The following LEO1 variants were observed in gnomAD, a reference collection of about 807,000 sequenced individuals.
The protein encoded by LEO1 is LEO1 component of Paf1/RNA polymerase II complex.
LEO1 carries 34 observed loss-of-function variants against 80.4 expected under a neutral mutation model. That is an observed-to-expected ratio of 0.42 (90% CI 0.32 to 0.56). LEO1 has a LOEUF of 0.56. Ranked by LOEUF, LEO1 falls within the 20% of genes least tolerant of loss-of-function variation. The probability of loss-of-function intolerance (pLI) is 0.10; values close to 1 mark genes in which losing one functional copy is unlikely to be tolerated. For missense variants in LEO1, 631 were observed against 814.2 expected (o/e 0.77, Z 2.74); for synonymous variants, 262 against 274.9 (o/e 0.95, Z 0.46).
At chr15:51,940,943 C>G (rs950595172) in intron 11 of LEO1, among the ~76,000 whole-genome samples, 1 of 151,834 alleles carries the variant, frequency 6.6e-6, no homozygotes, top group African/African-American at 2.4e-5. Context: ...ACTAAAAATA[C>G]AAAAATTAGC....
chr15:51,950,984 A>G (rs1472373993), intron 9 of LEO1, among the ~76,000 whole-genome samples: 3 of 152,214 alleles, frequency 2.0e-5, no homozygotes, highest in African/African-American at 7.2e-5. Flanking sequence ...GCTATATACC[A>G]CTAGGTTAGG....
intron 11 of LEO1, 142 bp from the exon 12 acceptor site, chr15:51,938,402 G>A (rs2056819686): frequency 3.3e-6 from 2 of 600,636 alleles, no homozygotes; most frequent in Non-Finnish European, 5.9e-6. Context: ...ATTGTGAGGT[G>A]TCAGCAACTG....
intron 1 of LEO1, among the ~76,000 whole-genome samples, chr15:51,966,884 C>T (rs1280891819): frequency 6.6e-6 from 1 of 151,460 alleles, no homozygotes; most frequent in East Asian, 1.9e-4. Flanking sequence ...GCACTCCAGC[C>T]TGGGCGACAG....
chr15:51,964,562 AAC>A (rs1491052788), intron 2 of LEO1, among the ~76,000 whole-genome samples: 5 of 151,688 alleles, frequency 3.3e-5, no homozygotes, highest in African/African-American at 9.7e-5. Flanking sequence ...AAAAAAAAAA[AAC>A]CTCTACTCTG....
chr15:51,952,677 T>C (rs2056958712), intron 8 of LEO1, among the ~76,000 whole-genome samples: 1 of 152,088 alleles, frequency 6.6e-6, no homozygotes, highest in African/African-American at 2.4e-5. Flanking sequence ...ACCTCTGCAG[T>C]GGTATTAGAT....
chr15:51,952,809 A>G (rs754330195), intron 8 of LEO1, among the ~76,000 whole-genome samples: 5 of 152,230 alleles, frequency 3.3e-5, no homozygotes, highest in Admixed American at 2.6e-4. Flanking sequence ...TACTAAAAAC[A>G]AAGGACACAC....
intron 9 of LEO1, among the ~76,000 whole-genome samples, chr15:51,950,590 A>T (rs1250026521): frequency 2.0e-5 from 3 of 152,184 alleles, no homozygotes; most frequent in Non-Finnish European, 4.4e-5. Context: ...GGTTGGGGGT[A>T]GGGGTGGTGT....
At chr15:51,945,585 G>A (rs1441931296) in intron 11 of LEO1, among the ~76,000 whole-genome samples, 3 of 152,006 alleles carry the variant, frequency 2.0e-5, no homozygotes, top group Non-Finnish European at 4.4e-5. Context: ...TCTCTATATC[G>A]TTTTCCTGCA....
chr15:51,942,260 G>A (rs2056859181), intron 11 of LEO1, among the ~76,000 whole-genome samples: 1 of 152,136 alleles, frequency 6.6e-6, no homozygotes, highest in Non-Finnish European at 1.5e-5. Context: ...GGAAGGAAAG[G>A]GAAGAGTGCA....
In LEO1 at chr15:51,949,975, C is replaced by T; in HGVS notation, c.1631G>A (p.Arg544Lys). The change falls in exon 10 of 12, where the codon AGG becomes AAG. Residue 544 changes from arginine (R) to lysine (K), a missense_variant. Arg to Lys is a conservative substitution (Grantham distance 26, BLOSUM62 2). Coordinates refer to ENST00000299601, the MANE Select transcript of LEO1 (RefSeq NM_138792.4). Reference sequence around the variant, plus strand: ...CTGAGATTCCCTACGTATGGAAGCCCTCAAACGTTCTTCTTCTTTCTGTAA... The same window carrying T: ...CTGAGATTCCCTACGTATGGAAGCCTTCAAACGTTCTTCTTCTTTCTGTAA... ...EMIKKEEERLRASIRRESQQR... is the reference protein window; with the variant it reads ...EMIKKEEERLKASIRRESQQR... 1 of 1,611,936 alleles carries T rather than the reference C, an allele frequency of 6.2e-7. No homozygotes were observed. The highest frequency in any genetic ancestry group is 8.5e-7 in the Non-Finnish European group (1 of 1,179,530).
chr15:51,947,151 G>C (rs1265033643), intron 11 of LEO1, 141 bp downstream of exon 11: 2 of 703,376 alleles, frequency 2.8e-6, no homozygotes, highest in African/African-American at 1.8e-5. Flanking sequence ...ACTCTGTCTT[G>C]TTACTGCATT....
chr15:51,969,089 C>G (rs1211731756), intron 1 of LEO1, among the ~76,000 whole-genome samples: 1 of 151,884 alleles, frequency 6.6e-6, no homozygotes, highest in Non-Finnish European at 1.5e-5. Context: ...CTCAGCCTCC[C>G]AAGTTTATGG....
At chr15:51,962,182 C>T (rs965516034) in intron 3 of LEO1, among the ~76,000 whole-genome samples, 1 of 148,538 alleles carries the variant, frequency 6.7e-6, no homozygotes, top group African/African-American at 2.5e-5. Flanking sequence ...AAAAAAAAAA[C>T]TACAAAGAGG....
chr15:51,963,711 G>C (rs2057050386), intron 2 of LEO1, among the ~76,000 whole-genome samples: 1 of 151,696 alleles, frequency 6.6e-6, no homozygotes, highest in Non-Finnish European at 1.5e-5. Flanking sequence ...AGACCGGCCA[G>C]GCCAACATGG....
At chr15:51,950,253 G>A (rs544446775) in intron 9 of LEO1, among the ~76,000 whole-genome samples, 10 of 152,290 alleles carry the variant, frequency 6.6e-5, no homozygotes, top group Admixed American at 2.6e-4. Context: ...GTGTCCTCGG[G>A]AGCTGTGCTG....
chr15:51,943,362 G>A (rs2056872021), intron 11 of LEO1, among the ~76,000 whole-genome samples: 1 of 151,286 alleles, frequency 6.6e-6, no homozygotes, highest in African/African-American at 2.4e-5. Flanking sequence ...CTGGGCGACA[G>A]TGTGAAAATC....
At position 51,959,812 on chromosome 15, in the gene LEO1, T is replaced by C. The variant is rs2057016283; in HGVS notation, c.1160+87A>G. On this transcript the variant is annotated intron_variant, in intron 5 of 11. Coordinates refer to ENST00000299601, the MANE Select transcript of LEO1 (RefSeq NM_138792.4). ...CACGATCAATTTTCCGTTTTTGTGA[T>C]TTGTCAACTCAATGCGAAATAAGAA... 2.4e-6 allele frequency: 3 copies of C among 1,266,334 alleles called. No homozygotes were observed. The Admixed American group carries it at 8.1e-5, about 34-fold the overall frequency. 78.4% of individuals were successfully genotyped at this position (1,266,334 alleles called of 1,614,324 possible). A position where few individuals can be genotyped will look rare whatever the true frequency, so the allele number is the denominator to read the frequency against.
chr15:51,952,016 C>T, intron 8 of LEO1, 37 bp from the exon 9 acceptor site: 1 of 1,573,728 alleles, frequency 6.4e-7, no homozygotes, highest in East Asian at 2.3e-5. Flanking sequence ...TCACTGTTTA[C>T]CAAATACATT....
chr15:51,962,595 T>C (rs900208735), intron 2 of LEO1, 102 bp from the exon 3 acceptor site: 16 of 713,296 alleles, frequency 2.2e-5, no homozygotes, highest in Non-Finnish European at 3.3e-5. Flanking sequence ...TACAATGGAC[T>C]ACTACTCAGC....
Sources: gnomAD v4.1 joint callset for allele counts (sites outside exome capture counted in the v4.1 genomes callset) on GRCh38, gnomAD v4.1.1 for gene constraint, MANE v1.5 for transcripts, NCBI Gene and HGNC (gene_info 2026-07-23, HGNC 2026-07-21) for gene names.